Variants in TBC1D32 observed in about 807,000 individuals in gnomAD.
TBC1D32 encodes TBC1 domain family member 32.
TBC1D32 carries 151 observed loss-of-function variants against 170.3 expected under a neutral mutation model. The observed-to-expected ratio is 0.89, with a 90% CI of 0.78 to 1.01. The LOEUF (loss-of-function observed/expected upper bound fraction) is 1.01, where lower values mean the gene tolerates loss of function less well. Among genes scored for constraint, TBC1D32 ranks in the 50% least tolerant of loss-of-function variants. The probability of loss-of-function intolerance (pLI) is 0.00; values close to 1 mark genes in which losing one functional copy is unlikely to be tolerated. For missense variants in TBC1D32, 1,464 were observed against 1,457.1 expected, an observed-to-expected ratio of 1.00 and a Z score of -0.08; for synonymous variants, 498 against 488.0, an observed-to-expected ratio of 1.02 and a Z score of -0.27.
chr6:121,288,977 T>A (rs558936373), intron 12 of TBC1D32, among the ~76,000 whole-genome samples: 1 of 152,246 alleles, frequency 6.6e-6, no homozygotes, highest in South Asian at 2.1e-4. Context: ...AAACTCTCAA[T>A]AAATTAGGTA....
chr6:121,269,199 A>G (rs887235117), intron 15 of TBC1D32, among the ~76,000 whole-genome samples: 119 of 152,328 alleles, frequency 7.8e-4, no homozygotes, highest in African/African-American at 2.6e-3. Context: ...AAGAAACTGC[A>G]TCAACTAACA....
intron 22 of TBC1D32, among the ~76,000 whole-genome samples, chr6:121,200,941 A>G (rs1791466119): frequency 1.3e-5 from 2 of 151,510 alleles, no homozygotes; most frequent in South Asian, 4.1e-4. Context: ...ACTATTGTAC[A>G]CAGGAAAGGT....
At chr6:121,228,379 C>T (rs983947325) in intron 20 of TBC1D32, among the ~76,000 whole-genome samples, 1 of 151,988 alleles carries the variant, frequency 6.6e-6, no homozygotes, top group Admixed American at 6.6e-5. Flanking sequence ...TTAGATCCTT[C>T]TTATTTTCTA....
chr6:121,325,580 G>C (rs1254618516), intron 1 of TBC1D32, among the ~76,000 whole-genome samples: 1 of 152,176 alleles, frequency 6.6e-6, no homozygotes, highest in East Asian at 1.9e-4. Flanking sequence ...TACGCAGAAA[G>C]CTGAAACTGG....
chr6:121,313,359 C>G (rs142767486), intron 3 of TBC1D32, among the ~76,000 whole-genome samples: 3,145 of 150,252 alleles, frequency 0.021, 49 homozygotes, highest in Non-Finnish European at 0.03. Context: ...TCTTGGCTCA[C>G]TGCAACCTCC....
At chr6:121,265,990 T>C (rs913315867) in intron 15 of TBC1D32, among the ~76,000 whole-genome samples, 1 of 151,984 alleles carries the variant, frequency 6.6e-6, no homozygotes, top group South Asian at 2.1e-4. Context: ...ACCTAGACAA[T>C]ACCATTCAGG....
At chr6:121,334,212 AC>A in intron 1 of TBC1D32, 63 bp downstream of exon 1, 1 of 1,362,060 alleles carries the variant, frequency 7.3e-7, no homozygotes, top group Admixed American at 2.0e-5. Context: ...AACACTGTTG[AC>A]CCTTCTCTGG....
chr6:121,179,433 G>A (rs1228200587), intron 22 of TBC1D32, among the ~76,000 whole-genome samples: 1 of 150,616 alleles, frequency 6.6e-6, no homozygotes, highest in Non-Finnish European at 1.5e-5. Flanking sequence ...TGGAAGAAGA[G>A]ACCCCATTAA....
At chr6:121,285,210 A>T (rs1292833753) in intron 12 of TBC1D32, among the ~76,000 whole-genome samples, 8 of 152,208 alleles carry the variant, frequency 5.3e-5, no homozygotes, top group Non-Finnish European at 1.2e-4. Flanking sequence ...GAAGACTCAG[A>T]GGATTCAACA....
chr6:121,267,919 C>T (rs895264151), intron 15 of TBC1D32, among the ~76,000 whole-genome samples: 2 of 152,086 alleles, frequency 1.3e-5, no homozygotes, highest in Non-Finnish European at 2.9e-5. Flanking sequence ...TCCAGTGGAA[C>T]GATCAGGCAG....
intron 21 of TBC1D32, among the ~76,000 whole-genome samples, chr6:121,221,649 C>T (rs1483016103): frequency 6.6e-6 from 1 of 152,120 alleles, no homozygotes; most frequent in Non-Finnish European, 1.5e-5. Context: ...TTCAGTAGAA[C>T]AAGTAACTAC....
intron 20 of TBC1D32, among the ~76,000 whole-genome samples, chr6:121,238,184 A>C (rs1796544173): frequency 2.6e-5 from 4 of 152,056 alleles, no homozygotes; most frequent in Admixed American, 2.6e-4. Flanking sequence ...GTGTAGTCCT[A>C]AGCTTTCTAT....
intron 24 of TBC1D32, among the ~76,000 whole-genome samples, chr6:121,144,146 AAAGT>A (rs1209441241): frequency 2.0e-5 from 3 of 152,178 alleles, no homozygotes; most frequent in African/African-American, 7.2e-5. Context: ...AAACAGAAAG[AAAGT>A]AAGAGTTCCT....
rs374227168 is a variant in TBC1D32 at position 121,249,442 on chromosome 6, CA to C, written c.2018+5885del. On this transcript the variant is annotated intron_variant, in intron 17 of 31. Coordinates refer to ENST00000398212, the MANE Select transcript of TBC1D32 (RefSeq NM_152730.6). ...ACCCACTTTCACCACTTCTATTTGACATAGCACTAGAAGTTCTAGCCAGAGC... is the reference window on the plus strand; with the variant it reads ...ACCCACTTTCACCACTTCTATTTGACTAGCACTAGAAGTTCTAGCCAGAGC... Among the ~76,000 whole-genome samples the C allele has an allele frequency of 1.3e-4, 19 of 151,996 alleles. No homozygotes were observed. The East Asian group carries it at 3.1e-3, about 25-fold the overall frequency.
chr6:121,160,741 C>A, intron 23 of TBC1D32, among the ~76,000 whole-genome samples: 1 of 151,984 alleles, frequency 6.6e-6, no homozygotes, highest in East Asian at 1.9e-4. Flanking sequence ...CAATACATAC[C>A]CTACTTTAGC....
chr6:121,223,442 C>T (rs1794739155), intron 20 of TBC1D32, 90 bp from the exon 21 acceptor site: 1 of 820,928 alleles, frequency 1.2e-6, no homozygotes, highest in African/African-American at 1.8e-5. Context: ...ATCTGTATGA[C>T]TTTGAGGGCT....
intron 4 of TBC1D32, among the ~76,000 whole-genome samples, chr6:121,310,052 A>AT (rs1807944422): frequency 6.6e-6 from 1 of 151,610 alleles, no homozygotes; most frequent in Non-Finnish European, 1.5e-5. Flanking sequence ...TATATATATA[A>AT]AATTTTTCTA....
At chr6:121,301,204 G>A (rs1256186152) in intron 9 of TBC1D32, among the ~76,000 whole-genome samples, 1 of 152,112 alleles carries the variant, frequency 6.6e-6, no homozygotes, top group Non-Finnish European at 1.5e-5. Flanking sequence ...ATACCCAAAG[G>A]ATTATAAATC....
At chr6:121,222,681 C>CACAT (rs1484935836) in intron 21 of TBC1D32, among the ~76,000 whole-genome samples, 6 of 3,774 alleles carry the variant, frequency 1.6e-3, no homozygotes, top group East Asian at 0.042. Context: ...TATGCATATA[C>CACAT]ACGTTTCTAT....
Sources: gnomAD v4.1 joint callset for allele counts (sites outside exome capture counted in the v4.1 genomes callset) on GRCh38, gnomAD v4.1.1 for gene constraint, MANE v1.5 for transcripts, NCBI Gene and HGNC (gene_info 2026-07-23, HGNC 2026-07-21) for gene names.